USP6NL: variants seen among roughly 807,000 people sequenced by gnomAD.
USP6NL encodes the protein USP6 N-terminal-like protein.
USP6NL carries 26 observed loss-of-function variants against 61.9 expected under a neutral mutation model. The ratio of observed to expected loss-of-function variants is 0.42; its 90% CI spans 0.31 to 0.58. The LOEUF (loss-of-function observed/expected upper bound fraction) is 0.58. Among genes scored for constraint, USP6NL ranks in the 20% least tolerant of loss-of-function variants. The pLI, the probability that USP6NL is intolerant of heterozygous loss-of-function variation, is 0.16. For synonymous variants in USP6NL, 432 were observed against 390.1 expected, an observed-to-expected ratio of 1.11 and a Z score of -1.27; for missense variants, 1,114 against 1,034.3, an observed-to-expected ratio of 1.08 and a Z score of -1.06.
At chr10:11,588,310 T>C (rs1838044771) in intron 2 of USP6NL, among the ~76,000 whole-genome samples, 2 of 152,186 alleles carry the variant, frequency 1.3e-5, no homozygotes, top group African/African-American at 4.8e-5. Flanking sequence ...CTATCAACAC[T>C]GGAATAAGGA....
chr10:11,563,629 GT>G (rs1288477090), intron 2 of USP6NL: 2 of 152,106 alleles, frequency 1.3e-5, no homozygotes, highest in Non-Finnish European at 2.9e-5. Flanking sequence ...TTCAAAATAA[GT>G]TTTTCTGAAA....
At chr10:11,567,915 C>G (rs1342239362) in intron 2 of USP6NL, among the ~76,000 whole-genome samples, 4 of 152,182 alleles carry the variant, frequency 2.6e-5, no homozygotes, top group African/African-American at 9.7e-5. Context: ...CAAGGCTAAA[C>G]AGCAAATGAG....
intron 2 of USP6NL, among the ~76,000 whole-genome samples, chr10:11,577,586 C>T (rs1200928940): frequency 1.3e-5 from 2 of 151,850 alleles, no homozygotes; most frequent in African/African-American, 2.4e-5. Flanking sequence ...CTGCAACCTC[C>T]GCCTCCCAGA....
intron 2 of USP6NL, among the ~76,000 whole-genome samples, chr10:11,554,508 C>T (rs1836605743): frequency 6.6e-6 from 1 of 152,154 alleles, no homozygotes; most frequent in Admixed American, 6.5e-5. Context: ...CTGGTAAGCA[C>T]CCAGACTCCA....
chr10:11,603,735 A>T (rs551198776), intron 1 of USP6NL, among the ~76,000 whole-genome samples: 1 of 152,326 alleles, frequency 6.6e-6, no homozygotes, highest in Admixed American at 6.5e-5. Flanking sequence ...AATCAAGACA[A>T]GCTTGGTTCC....
At chr10:11,605,275 C>T (rs958732846) in intron 1 of USP6NL, among the ~76,000 whole-genome samples, 5 of 152,152 alleles carry the variant, frequency 3.3e-5, no homozygotes, top group African/African-American at 1.2e-4. Flanking sequence ...GTACAGGATC[C>T]ACCAAGGGAG....
intron 2 of USP6NL, among the ~76,000 whole-genome samples, chr10:11,567,862 T>G (rs1471690701): frequency 6.6e-6 from 1 of 152,198 alleles, no homozygotes; most frequent in African/African-American, 2.4e-5. Flanking sequence ...CCTCTACTTT[T>G]CAGATAAAGA....
chr10:11,569,629 A>G (rs1046974630), intron 2 of USP6NL, among the ~76,000 whole-genome samples: 10 of 152,198 alleles, frequency 6.6e-5, no homozygotes, highest in African/African-American at 2.4e-4. Flanking sequence ...AAGGAATGTG[A>G]CTGCTGGAGA....
At position 11,595,670 on chromosome 10, in the gene USP6NL, A is replaced by G. The variant is rs1373523911; in HGVS notation, c.4+1961T>C. On this transcript the variant is annotated intron_variant, in intron 2 of 14. Coordinates refer to ENST00000609104, the MANE Select transcript of USP6NL (RefSeq NM_014688.5). This position sits in a 1 kb window ranked among gnomAD's most constrained non-coding sequence, Gnocchi z 5.3. ...AAATCACAAAAAGAAAGAGAGAGACATAAGAGCAAAAAAACTTCCATCAGA... is the reference window on the plus strand; with the variant it reads ...AAATCACAAAAAGAAAGAGAGAGACGTAAGAGCAAAAAAACTTCCATCAGA... 6.6e-6 allele frequency among the ~76,000 whole-genome samples: 1 copy of G among 152,218 alleles called. No homozygotes were observed. The highest frequency in any genetic ancestry group is 1.5e-5 in the Non-Finnish European group (1 of 68,024).
At chr10:11,545,118 T>C (rs1041568341) in intron 2 of USP6NL, among the ~76,000 whole-genome samples, 6 of 152,158 alleles carry the variant, frequency 3.9e-5, no homozygotes, top group African/African-American at 1.4e-4. Context: ...AATACAAACA[T>C]AAATTTTTAA....
intron 2 of USP6NL, among the ~76,000 whole-genome samples, chr10:11,581,610 A>T (rs1837777117): frequency 6.6e-6 from 1 of 152,272 alleles, no homozygotes. Flanking sequence ...GACAAACATA[A>T]TCTGTAAATA....
Position 11,485,774 on chromosome 10 carries a change from G to C in USP6NL, c.759+43C>G. ...AATTTAATTATCCCAGCTTTTTTTG[G>C]GGGGTGGGTAGGTGGGTGTAAGTCA... On this transcript the variant is annotated intron_variant, in intron 11 of 14. Transcript: ENST00000609104. This position sits in a 1 kb window ranked among gnomAD's most constrained non-coding sequence, Gnocchi z 4.8. The C allele has an allele frequency of 7.7e-7, 1 of 1,302,092 alleles. No homozygotes were observed. The allele number at this position is 1,302,092 out of a possible 1,614,324, so 80.7% of individuals were successfully genotyped here. A position where few individuals can be genotyped will look rare whatever the true frequency, so the allele number is the denominator to read the frequency against.
In USP6NL at chr10:11,532,952, T is replaced by C. The variant is rs1026236336; in HGVS notation, c.5-5385A>G. 1.3e-5 allele frequency among the ~76,000 whole-genome samples: 2 copies of C among 152,252 alleles called. No homozygotes were observed. The highest frequency in any genetic ancestry group is 4.8e-5 in the African/African-American group (2 of 41,464). On this transcript the variant is annotated intron_variant, in intron 2 of 14. Coordinates refer to ENST00000609104, the MANE Select transcript of USP6NL (RefSeq NM_014688.5). This position sits in a 1 kb window ranked among gnomAD's most constrained non-coding sequence, Gnocchi z 4.1. The stretch of plus-strand genomic sequence containing the variant: ...ACAAATTTTTCCATTCTGTTTTATT[T>C]ACTCCTTCCTTCTTCCCTTCATTGT...
In USP6NL at chr10:11,485,577, C is replaced by A. The variant is rs934539290; in HGVS notation, c.759+240G>T. Among the ~76,000 whole-genome samples, 1 of 152,132 alleles carries A rather than the reference C, an allele frequency of 6.6e-6. No individual in the cohort carries two copies. The highest frequency in any genetic ancestry group is 6.5e-5 in the Admixed American group (1 of 15,270). The stretch of plus-strand genomic sequence containing the variant: ...GAGATCCCATATCTTTAAATTATCA[C>A]ATTGTTTGTATCATTAGCTTCAAAG... On this transcript the variant is annotated intron_variant, in intron 11 of 14. Coordinates refer to ENST00000609104, the MANE Select transcript of USP6NL (RefSeq NM_014688.5). This position sits in a 1 kb window ranked among gnomAD's most constrained non-coding sequence, Gnocchi z 4.8.
Position 11,462,289 on chromosome 10 carries a change from C to T in USP6NL, c.*152G>A. On this transcript the variant is annotated 3_prime_UTR_variant, in exon 15 of 15. Transcript: ENST00000609104. Reference sequence around the variant, plus strand: ...CATCTTAAGCAGCATCTACGTGGGGCTGAAGACATTTCCCTGTATTCTTAC... The same window carrying T: ...CATCTTAAGCAGCATCTACGTGGGGTTGAAGACATTTCCCTGTATTCTTAC... The T allele has an allele frequency of 1.1e-6, 1 of 918,268 alleles. No individual in the cohort carries two copies. The highest frequency in any genetic ancestry group is 1.8e-5 in the South Asian group (1 of 54,992). The allele number at this position is 918,268 out of a possible 1,614,324, so 56.9% of individuals were successfully genotyped here.
intron 2 of USP6NL, among the ~76,000 whole-genome samples, chr10:11,529,454 G>A (rs1430532214): frequency 2.6e-5 from 4 of 152,136 alleles, no homozygotes; most frequent in Admixed American, 2.0e-4. Context: ...TCAAACAAGC[G>A]CAAGGTTGTT....
chr10:11,586,851 A>G (rs1453710845), intron 2 of USP6NL, among the ~76,000 whole-genome samples: 1 of 152,108 alleles, frequency 6.6e-6, no homozygotes, highest in East Asian at 1.9e-4. Flanking sequence ...AGCTTTCCCT[A>G]ATTTCTTAAT....
chr10:11,598,567 T>C lies in USP6NL; in HGVS notation c.-83-850A>G, dbSNP rs1223577680. On this transcript the variant is annotated intron_variant, in intron 1 of 14. Transcript: ENST00000609104. The surrounding 1 kb of genome is among the most constrained non-coding windows in gnomAD (Gnocchi z 4.7). ...GGATGCACAAATGCCTACCTAAATC[T>C]ATCATATAAAATTCCACAGATAAGA... 6.6e-6 allele frequency among the ~76,000 whole-genome samples: 1 copy of C among 152,168 alleles called. No individual in the cohort carries two copies. The highest frequency in any genetic ancestry group is 2.4e-5 in the African/African-American group (1 of 41,454).
Position 11,470,784 on chromosome 10 carries a change from C to G in USP6NL, c.1079-6935G>C, listed in dbSNP as rs933803421. The stretch of plus-strand genomic sequence containing the variant: ...GGCAATAAGCATTCCTATTTATTAT[C>G]CACGCTTGCATTCTGGGCTTCTTTT... On this transcript the variant is annotated intron_variant, in intron 14 of 14. Coordinates refer to ENST00000609104, the MANE Select transcript of USP6NL (RefSeq NM_014688.5). The surrounding 1 kb of genome is among the most constrained non-coding windows in gnomAD (Gnocchi z 5.4). Among the ~76,000 whole-genome samples, 1 of 152,232 alleles carries G rather than the reference C, an allele frequency of 6.6e-6. No homozygotes were observed. Among genetic ancestry groups the G allele is most frequent in the Non-Finnish European group, 1.5e-5 (1 of 68,042 alleles).
Sources: allele counts gnomAD v4.1 joint callset (sites outside exome capture counted in the v4.1 genomes callset), GRCh38; gene constraint gnomAD v4.1.1; non-coding constraint Gnocchi (gnomAD v3.1); transcripts MANE v1.5; gene names NCBI Gene and HGNC (gene_info 2026-07-23, HGNC 2026-07-21).